BMERB1: variants seen among roughly 807,000 people sequenced by gnomAD.
BMERB1 encodes the protein bMERB domain containing 1.
Under a neutral mutation model 23.6 loss-of-function variants are expected in BMERB1, and 12 were observed. That is an observed-to-expected ratio of 0.51 (90% CI 0.33 to 0.82). The LOEUF (loss-of-function observed/expected upper bound fraction) is 0.82, where lower values mean the gene tolerates loss of function less well. Ranked by LOEUF, BMERB1 falls within the 40% of genes least tolerant of loss-of-function variation. The pLI is 0.03. For missense variants in BMERB1, 247 were observed against 255.4 expected (o/e 0.97, Z 0.22); for synonymous variants, 122 against 96.6 (o/e 1.26, Z -1.54).
chr16:15,564,881 C>G (rs2150970966), intron 2 of BMERB1, among the ~76,000 whole-genome samples: 1 of 152,214 alleles, frequency 6.6e-6, no homozygotes, highest in African/African-American at 2.4e-5. Flanking sequence ...TTTTTCTTTA[C>G]CCCAGCTCAT....
chr16:15,462,268 C>G (rs2150928259), intron 1 of BMERB1, among the ~76,000 whole-genome samples: 1 of 150,496 alleles, frequency 6.6e-6, no homozygotes, highest in South Asian at 2.1e-4. Flanking sequence ...TCTCCAGCCT[C>G]AGCCCCCTGA....
chr16:15,444,745 G>T (rs1024365706), intron 1 of BMERB1, among the ~76,000 whole-genome samples: 1 of 152,180 alleles, frequency 6.6e-6, no homozygotes, highest in African/African-American at 2.4e-5. Context: ...GTGGGCTTTC[G>T]AGAGAGCTTT....
At chr16:15,502,459 A>G (rs952149806) in intron 1 of BMERB1, 41 of 1,145,538 alleles carry the variant, frequency 3.6e-5, no homozygotes, top group Non-Finnish European at 4.8e-5. Context: ...CTTCTGGGTT[A>G]AAAGCAGTGA....
At chr16:15,501,680 G>A (rs2051531983) in intron 1 of BMERB1, among the ~76,000 whole-genome samples, 1 of 152,136 alleles carries the variant, frequency 6.6e-6, no homozygotes, top group Non-Finnish European at 1.5e-5. Flanking sequence ...CGCCATGTTG[G>A]CCAGGCTGGT....
chr16:15,515,531 G>C lies in BMERB1; in HGVS notation c.230+103G>C, dbSNP rs934146786. On this transcript the variant is annotated intron_variant, in intron 2 of 5. Transcript: ENST00000300006. ...CTGTGTGCCAGGCACTGAGATAAAG[G>C]CATTATGCACGTTTTTAAAAGCCTC... The C allele has an allele frequency of 1.8e-5, 25 of 1,424,416 alleles. No individual in the cohort carries two copies. In the African/African-American group the frequency reaches 3.0e-4, roughly 17 times the overall value. 88.2% of individuals were successfully genotyped at this position (1,424,416 alleles called of 1,614,324 possible).
At chr16:15,478,837 GT>G (rs2051295034) in intron 1 of BMERB1, among the ~76,000 whole-genome samples, 1 of 152,100 alleles carries the variant, frequency 6.6e-6, no homozygotes, top group African/African-American at 2.4e-5. Context: ...AGTTATTATT[GT>G]TACTGACTCC....
chr16:15,456,540 G>T (rs2150926163), intron 1 of BMERB1, among the ~76,000 whole-genome samples: 1 of 152,114 alleles, frequency 6.6e-6, no homozygotes, highest in South Asian at 2.1e-4. Context: ...GTTTTGCCAT[G>T]TTATCCAGGC....
At chr16:15,532,328 T>G (rs2051975754) in intron 2 of BMERB1, among the ~76,000 whole-genome samples, 1 of 151,602 alleles carries the variant, frequency 6.6e-6, no homozygotes, top group Non-Finnish European at 1.5e-5. Flanking sequence ...GCCTCCTGGG[T>G]TCAAGCGATT....
intron 2 of BMERB1, among the ~76,000 whole-genome samples, chr16:15,558,156 C>T (rs1598519098): frequency 6.6e-6 from 1 of 152,290 alleles, no homozygotes; most frequent in African/African-American, 2.4e-5. Flanking sequence ...TTCCTCCCCT[C>T]TGCCCTAGAT....
At chr16:15,436,982 A>G (rs1034892428) in intron 1 of BMERB1, among the ~76,000 whole-genome samples, 4 of 152,190 alleles carry the variant, frequency 2.6e-5, no homozygotes, top group Non-Finnish European at 4.4e-5. Flanking sequence ...AAAATCTTGC[A>G]TAGATTTAAA....
chr16:15,517,141 C>G (rs1196955143), intron 2 of BMERB1, among the ~76,000 whole-genome samples: 1 of 152,194 alleles, frequency 6.6e-6, no homozygotes, highest in Non-Finnish European at 1.5e-5. Flanking sequence ...GAAATATCTT[C>G]CCTTTTGTCT....
chr16:15,460,027 C>G (rs1410570661), intron 1 of BMERB1, among the ~76,000 whole-genome samples: 2 of 152,226 alleles, frequency 1.3e-5, no homozygotes, highest in Middle Eastern at 3.4e-3. Flanking sequence ...CTCACATTCT[C>G]ATTGATTTAG....
intron 2 of BMERB1, among the ~76,000 whole-genome samples, chr16:15,559,962 A>G (rs974255454): frequency 3.3e-5 from 5 of 152,154 alleles, no homozygotes; most frequent in Non-Finnish European, 7.4e-5. Context: ...AAAAAATCTC[A>G]TGTTTTAAAA....
chr16:15,542,408 G>A (rs1402259435), intron 2 of BMERB1, among the ~76,000 whole-genome samples: 2 of 151,910 alleles, frequency 1.3e-5, no homozygotes, highest in Admixed American at 6.6e-5. Context: ...TTCTGGTGAC[G>A]AGGCCCCAAC....
intron 2 of BMERB1, among the ~76,000 whole-genome samples, chr16:15,554,994 C>T (rs2030212836): frequency 6.6e-6 from 1 of 152,076 alleles, no homozygotes; most frequent in Non-Finnish European, 1.5e-5. Context: ...AGGTCTAAAA[C>T]AAAGGTAACT....
chr16:15,567,854 A>G lies in BMERB1; in HGVS notation c.231-129A>G, dbSNP rs928310646. 6 of 737,064 alleles carry G rather than the reference A, an allele frequency of 8.1e-6. No homozygotes were observed. The South Asian group carries it at 9.7e-5, about 12-fold the overall frequency. The allele number at this position is 737,064 out of a possible 1,614,324, so 45.7% of individuals were successfully genotyped here. On this transcript the variant is annotated intron_variant, in intron 2 of 5. Transcript: ENST00000300006. Reference sequence around the variant, plus strand: ...TTTTTCCTTTTGAGGGAAAACCTCTACAATGAGCATGTATGGCCTCTTCAA... The same window carrying G: ...TTTTTCCTTTTGAGGGAAAACCTCTGCAATGAGCATGTATGGCCTCTTCAA...
At chr16:15,513,838 G>T (rs2051708337) in intron 1 of BMERB1, among the ~76,000 whole-genome samples, 2 of 151,914 alleles carry the variant, frequency 1.3e-5, no homozygotes, top group African/African-American at 4.8e-5. Flanking sequence ...AGGTTGCATT[G>T]AGCCAAGATC....
At chr16:15,581,368 G>A in intron 4 of BMERB1, 37 bp downstream of exon 4, 1 of 1,553,406 alleles carries the variant, frequency 6.4e-7, no homozygotes, top group Non-Finnish European at 8.8e-7. Flanking sequence ...CTGGGCTGCA[G>A]GACAGCAACC....
At chr16:15,505,321 A>G (rs996846771) in intron 1 of BMERB1, among the ~76,000 whole-genome samples, 7 of 152,230 alleles carry the variant, frequency 4.6e-5, no homozygotes, top group South Asian at 4.1e-4. Flanking sequence ...TTTCTCCCCA[A>G]TTATCAACCT....
Sources: allele counts gnomAD v4.1 joint callset (sites outside exome capture counted in the v4.1 genomes callset), GRCh38; gene constraint gnomAD v4.1.1; transcripts MANE v1.5; gene names NCBI Gene and HGNC (gene_info 2026-07-23, HGNC 2026-07-21).